ST6GAL1: variants seen among roughly 807,000 people sequenced by gnomAD.
ST6GAL1 encodes beta-galactoside alpha-2,6-sialyltransferase 1.
Under a neutral mutation model 38.0 loss-of-function variants are expected in ST6GAL1, and 20 were observed. That is an observed-to-expected ratio of 0.53 (90% confidence interval 0.37 to 0.77). The LOEUF (loss-of-function observed/expected upper bound fraction) is 0.77, where lower values mean the gene tolerates loss of function less well. Among genes scored for constraint, ST6GAL1 ranks in the 30% least tolerant of loss-of-function variants. ST6GAL1 has a pLI of 0.00. For missense variants in ST6GAL1, 432 were observed against 496.4 expected, an observed-to-expected ratio of 0.87 and a Z score of 1.23; for synonymous variants, 196 against 188.2, an observed-to-expected ratio of 1.04 and a Z score of -0.34.
intron 2 of ST6GAL1, among the ~76,000 whole-genome samples, chr3:186,967,142 C>A (rs1247201942): frequency 6.6e-6 from 1 of 152,196 alleles, no homozygotes; most frequent in African/African-American, 2.4e-5. Flanking sequence ...AATTATGTCT[C>A]AAGTAGCTGT....
intron 6 of ST6GAL1, chr3:187,073,804 T>C: frequency 5.6e-6 from 1 of 178,166 alleles, no homozygotes; most frequent in Non-Finnish European, 1.2e-5. Flanking sequence ...ATAGATGTCC[T>C]ATGCTCTAGT....
At chr3:187,036,193 A>G (rs1425422464) in intron 2 of ST6GAL1, among the ~76,000 whole-genome samples, 4 of 152,238 alleles carry the variant, frequency 2.6e-5, no homozygotes, top group Non-Finnish European at 4.4e-5. Flanking sequence ...AAACAAAAGC[A>G]CAGTGAGATA....
At chr3:187,063,176 TA>T (rs973095155) in intron 5 of ST6GAL1, among the ~76,000 whole-genome samples, 170 of 152,274 alleles carry the variant, frequency 1.1e-3, no homozygotes, top group Admixed American at 1.9e-3. Flanking sequence ...GTGAATATAC[TA>T]AAAAGAGGAG....
chr3:186,983,065 C>G (rs1715748267), intron 2 of ST6GAL1, among the ~76,000 whole-genome samples: 1 of 152,094 alleles, frequency 6.6e-6, no homozygotes, highest in Non-Finnish European at 1.5e-5. Context: ...GTTTGTCTCT[C>G]AAAACTCTTT....
At chr3:186,983,153 C>A (rs906278970) in intron 2 of ST6GAL1, among the ~76,000 whole-genome samples, 3 of 152,054 alleles carry the variant, frequency 2.0e-5, no homozygotes, top group Non-Finnish European at 2.9e-5. Flanking sequence ...TAATAATTAG[C>A]CAATAAAATG....
intron 5 of ST6GAL1, among the ~76,000 whole-genome samples, chr3:187,057,889 C>T (rs4479590): frequency 0.33 from 50,881 of 152,128 alleles, 9,097 homozygotes; most frequent in East Asian, 0.53. Context: ...CAGCTATGCC[C>T]TGCCCCCAGA....
intron 4 of ST6GAL1, among the ~76,000 whole-genome samples, chr3:187,048,131 G>C (rs938830474): frequency 6.6e-6 from 1 of 151,982 alleles, no homozygotes; most frequent in Non-Finnish European, 1.5e-5. Context: ...TTTTAGTAGA[G>C]ACGAGGTTTC....
intron 2 of ST6GAL1, among the ~76,000 whole-genome samples, chr3:186,974,068 C>T (rs1279774212): frequency 6.6e-6 from 1 of 152,198 alleles, no homozygotes; most frequent in Non-Finnish European, 1.5e-5. Context: ...CCTGGGAAGC[C>T]AGTGGATAGA....
At chr3:186,993,175 G>C (rs571254291) in intron 2 of ST6GAL1, among the ~76,000 whole-genome samples, 1 of 152,344 alleles carries the variant, frequency 6.6e-6, no homozygotes, top group East Asian at 1.9e-4. Context: ...TGCATGGGGA[G>C]TTGAAATAAC....
intron 2 of ST6GAL1, among the ~76,000 whole-genome samples, chr3:186,983,054 A>C (rs1374089727): frequency 6.6e-6 from 1 of 152,100 alleles, no homozygotes; most frequent in Non-Finnish European, 1.5e-5. Context: ...AGGTACGCTA[A>C]GTTTGTCTCT....
chr3:187,013,377 T>C (rs1339152163), intron 2 of ST6GAL1, among the ~76,000 whole-genome samples: 1 of 152,192 alleles, frequency 6.6e-6, no homozygotes, highest in Admixed American at 6.5e-5. Flanking sequence ...TCAGAGAAGA[T>C]AAGTGACTTT....
intron 5 of ST6GAL1, 122 bp downstream of exon 5, chr3:187,051,468 C>G (rs559561260): frequency 1.5e-5 from 12 of 792,526 alleles, no homozygotes; most frequent in Non-Finnish European, 2.5e-5. Flanking sequence ...TTCCTGAGTT[C>G]CTGATTCCTC....
intron 2 of ST6GAL1, among the ~76,000 whole-genome samples, chr3:187,037,982 A>G (rs558310684): frequency 1.4e-3 from 208 of 151,600 alleles, no homozygotes; most frequent in Non-Finnish European, 2.5e-3. Flanking sequence ...GTATTTTTTC[A>G]GTTACAATTA....
intron 1 of ST6GAL1, among the ~76,000 whole-genome samples, chr3:186,961,818 A>T (rs1714944871): frequency 6.6e-6 from 1 of 152,136 alleles, no homozygotes; most frequent in African/African-American, 2.4e-5. Context: ...CTAGGGAGAG[A>T]TGGAGAGTGG....
intron 1 of ST6GAL1, among the ~76,000 whole-genome samples, chr3:186,934,579 A>G (rs1355522506): frequency 6.6e-6 from 1 of 151,720 alleles, no homozygotes; most frequent in East Asian, 2.0e-4. Context: ...AAAATAAAAC[A>G]AAACAACAAC....
intron 2 of ST6GAL1, among the ~76,000 whole-genome samples, chr3:187,026,051 A>G (rs552277851): frequency 1.4e-4 from 22 of 152,292 alleles, no homozygotes; most frequent in African/African-American, 4.6e-4. Context: ...GCCTGTCCTC[A>G]GGTAAACACT....
intron 5 of ST6GAL1, among the ~76,000 whole-genome samples, chr3:187,071,621 C>A (rs531308403): frequency 3.3e-5 from 5 of 151,702 alleles, no homozygotes; most frequent in South Asian, 2.1e-4. Flanking sequence ...ATTAGCCGGG[C>A]GTGGTGGCGG....
chr3:186,937,325 C>G (rs541647368), intron 1 of ST6GAL1, among the ~76,000 whole-genome samples: 4 of 152,314 alleles, frequency 2.6e-5, no homozygotes, highest in Admixed American at 2.6e-4. Context: ...CCAACTGCCT[C>G]TGCCTTTCCC....
At chr3:187,008,364 GAGAAA>G (rs1277822522) in intron 2 of ST6GAL1, among the ~76,000 whole-genome samples, 10 of 149,592 alleles carry the variant, frequency 6.7e-5, no homozygotes, top group Non-Finnish European at 1.3e-4. Flanking sequence ...AAAGAAAAAA[GAGAAA>G]AGGAAAGGAA....
Sources: gnomAD v4.1 joint callset for allele counts (sites outside exome capture counted in the v4.1 genomes callset) on GRCh38, gnomAD v4.1.1 for gene constraint, MANE v1.5 for transcripts, NCBI Gene and HGNC (gene_info 2026-07-23, HGNC 2026-07-21) for gene names.